KLHDC4: variants seen among roughly 807,000 people sequenced by gnomAD.
KLHDC4 encodes kelch domain-containing protein 4.
Under a neutral mutation model 62.4 loss-of-function variants are expected in KLHDC4, and 90 were observed. That is an observed-to-expected ratio of 1.44 (90% confidence interval 1.22 to 1.72). The LOEUF (loss-of-function observed/expected upper bound fraction) is 1.72. Among genes scored for constraint, KLHDC4 ranks in the 40% most tolerant of loss-of-function variants. The pLI is 0.00. For missense variants in KLHDC4, 1,025 were observed against 699.7 expected, an observed-to-expected ratio of 1.47 and a Z score of -5.25; for synonymous variants, 386 against 284.4, an observed-to-expected ratio of 1.36 and a Z score of -3.59.
intron 8 of KLHDC4, among the ~76,000 whole-genome samples, chr16:87,713,845 A>T (rs943553252): frequency 2.0e-5 from 3 of 152,192 alleles, no homozygotes; most frequent in African/African-American, 7.2e-5. Context: ...TGCTTTAGTA[A>T]GAAAATTTTG....
chr16:87,710,248 C>T (rs71392308), intron 9 of KLHDC4: 5,048 of 154,720 alleles, frequency 0.033, 135 homozygotes, highest in South Asian at 0.11. Flanking sequence ...ACTTCCCTGG[C>T]TGCGTCGCAG....
At chr16:87,724,486 G>C (rs1436136187) in intron 7 of KLHDC4, among the ~76,000 whole-genome samples, 1 of 152,152 alleles carries the variant, frequency 6.6e-6, no homozygotes, top group Non-Finnish European at 1.5e-5. Flanking sequence ...CTGGTGTCCA[G>C]AATGTCACCT....
At chr16:87,747,024 G>C (rs1228957276) in intron 5 of KLHDC4, among the ~76,000 whole-genome samples, 1 of 152,232 alleles carries the variant, frequency 6.6e-6, no homozygotes, top group Non-Finnish European at 1.5e-5. Flanking sequence ...CGGCCCAAGA[G>C]AGGGGCCAGG....
At chr16:87,765,671 A>G (rs1182945802) in intron 1 of KLHDC4, 121 bp downstream of exon 1, 4 of 943,132 alleles carry the variant, frequency 4.2e-6, no homozygotes, top group Non-Finnish European at 6.1e-6. Flanking sequence ...TACGGCCTCC[A>G]GCTCTCCCGC....
intron 5 of KLHDC4, among the ~76,000 whole-genome samples, chr16:87,743,568 G>T (rs1044260014): frequency 1.3e-5 from 2 of 151,868 alleles, no homozygotes; most frequent in Non-Finnish European, 2.9e-5. Context: ...GTGAAACCCC[G>T]TCTCTACTTA....
intron 8 of KLHDC4, among the ~76,000 whole-genome samples, chr16:87,712,265 T>C (rs1355798303): frequency 1.3e-5 from 2 of 151,438 alleles, no homozygotes; most frequent in East Asian, 3.9e-4. Context: ...ATTTTTTTCC[T>C]CCAATGAACA....
At chr16:87,755,632 T>C in intron 3 of KLHDC4, 1 of 207,216 alleles carries the variant, frequency 4.8e-6, no homozygotes, top group Non-Finnish European at 9.9e-6. Context: ...AATGGCGCAA[T>C]CTTTGCTCAC....
intron 5 of KLHDC4, among the ~76,000 whole-genome samples, chr16:87,731,618 G>C (rs1162177977): frequency 6.6e-6 from 1 of 151,698 alleles, no homozygotes; most frequent in Non-Finnish European, 1.5e-5. Flanking sequence ...ACATGGGGCT[G>C]CTGGAGCCAT....
At chr16:87,734,077 G>A (rs1241321892) in intron 5 of KLHDC4, among the ~76,000 whole-genome samples, 1 of 152,230 alleles carries the variant, frequency 6.6e-6, no homozygotes, top group African/African-American at 2.4e-5. Flanking sequence ...CGGGCGCGGT[G>A]GCTCACGCCT....
intron 7 of KLHDC4, among the ~76,000 whole-genome samples, chr16:87,722,876 C>T (rs2038669304): frequency 6.6e-6 from 1 of 152,242 alleles, no homozygotes. Flanking sequence ...CTCCAAGCCA[C>T]CTCTACTTGC....
intron 3 of KLHDC4, 195 bp downstream of exon 3, chr16:87,756,204 G>T (rs906276408): frequency 6.7e-5 from 33 of 492,450 alleles, no homozygotes; most frequent in Middle Eastern, 1.1e-3. Flanking sequence ...GAGACCCCAG[G>T]ACCACTGAAG....
downstream of KLHDC4, chr16:87,703,008 T>C (rs2034227593): frequency 6.6e-6 from 1 of 152,252 alleles, no homozygotes; most frequent in South Asian, 2.1e-4. Context: ...ACTGTCAAGA[T>C]TAAAAAGAAA....
In KLHDC4 at chr16:87,709,566, C is replaced by T. The variant is rs751811408; in HGVS notation, c.1146G>A (p.Val382=). The stretch of plus-strand genomic sequence containing the variant: ...CGGCCACCACCTCCTTGACCAGCTG[C>T]ACAGGCCCCTGGGTGCCAGCTCCCC... The part of the protein sequence containing the change: ...ACGGAGTQGP[V]QLVKEVVAED... Residue 382 remains valine, a synonymous_variant, in exon 10 of 12, where the codon GTG becomes GTA. Transcript: ENST00000270583. 7 of 1,612,940 alleles carry T rather than the reference C, an allele frequency of 4.3e-6. No homozygotes were observed. The African/African-American group carries it at 9.3e-5, about 22-fold the overall frequency.
intron 5 of KLHDC4, among the ~76,000 whole-genome samples, chr16:87,740,284 C>G (rs1426176669): frequency 6.6e-6 from 1 of 152,182 alleles, no homozygotes. Context: ...TGATCCCACC[C>G]GACATGTGTG....
intron 5 of KLHDC4, among the ~76,000 whole-genome samples, chr16:87,746,115 AT>A: frequency 1.3e-5 from 2 of 152,106 alleles, no homozygotes; most frequent in East Asian, 3.9e-4. Flanking sequence ...AGAAAAAAAA[AT>A]TTAATTAGCC....
chr16:87,738,094 C>T lies in KLHDC4; in HGVS notation c.507-7450G>A, dbSNP rs79751740. On this transcript the variant is annotated intron_variant, in intron 5 of 11. Coordinates refer to ENST00000270583, the MANE Select transcript of KLHDC4 (RefSeq NM_017566.4). The stretch of plus-strand genomic sequence containing the variant: ...GAGAGCTTCAGACCATGCAACCCAA[C>T]CCACCACCCAGAGGGCAGAGCAGGG... 7.5e-3 allele frequency among the ~76,000 whole-genome samples: 1,149 copies of T among 152,304 alleles called. 21 individuals carry two copies. The highest frequency in any genetic ancestry group is 0.027 in the African/African-American group (1,103 of 41,556).
chr16:87,721,619 C>A (rs1436293799), intron 7 of KLHDC4, among the ~76,000 whole-genome samples: 2 of 152,080 alleles, frequency 1.3e-5, no homozygotes, highest in African/African-American at 4.8e-5. Context: ...CGAGGTCAGC[C>A]GGGATCTCCC....
downstream of KLHDC4, among the ~76,000 whole-genome samples, chr16:87,707,301 G>A (rs1031712576): frequency 4.6e-5 from 7 of 152,162 alleles, no homozygotes; most frequent in East Asian, 3.9e-4. Flanking sequence ...GGGAGCCCTC[G>A]CCCTCCAGCC....
At chr16:87,765,251 C>A (rs1171191010) in intron 1 of KLHDC4, 1 of 455,978 alleles carries the variant, frequency 2.2e-6, no homozygotes, top group African/African-American at 2.0e-5. Flanking sequence ...CCGCCATCAG[C>A]TGCTACGGGA....
Sources: gnomAD v4.1 joint callset for allele counts (sites outside exome capture counted in the v4.1 genomes callset) on GRCh38, gnomAD v4.1.1 for gene constraint, MANE v1.5 for transcripts, NCBI Gene and HGNC (gene_info 2026-07-23, HGNC 2026-07-21) for gene names.